Variants in EPHA3 observed in about 807,000 individuals in gnomAD.
EPHA3 encodes the protein ephrin type-A receptor 3.
A neutral mutation model predicts 107.1 loss-of-function variants in EPHA3; 42 were observed. The observed-to-expected ratio is 0.39, with a 90% CI of 0.31 to 0.51. The LOEUF (loss-of-function observed/expected upper bound fraction) is 0.51, where lower values mean the gene tolerates loss of function less well. Ranked by LOEUF, EPHA3 falls within the 20% of genes least tolerant of loss-of-function variation. EPHA3 has a pLI of 0.78. For missense variants in EPHA3, 1,183 were observed against 1,211.2 expected (o/e 0.98, Z 0.35); for synonymous variants, 461 against 424.8 (o/e 1.09, Z -1.05).
intron 5 of EPHA3, among the ~76,000 whole-genome samples, chr3:89,380,243 G>A (rs1241289314): frequency 6.6e-6 from 1 of 152,156 alleles, no homozygotes; most frequent in East Asian, 1.9e-4. Flanking sequence ...CATGTGATAT[G>A]TATAAGGACA....
chr3:89,359,319 A>G (rs762901635), intron 5 of EPHA3, among the ~76,000 whole-genome samples: 1 of 150,984 alleles, frequency 6.6e-6, no homozygotes, highest in Non-Finnish European at 1.5e-5. Context: ...ATACATGTTT[A>G]CAAACCTTGC....
At chr3:89,156,584 T>C (rs936653914) in intron 2 of EPHA3, among the ~76,000 whole-genome samples, 1 of 152,054 alleles carries the variant, frequency 6.6e-6, no homozygotes, top group Non-Finnish European at 1.5e-5. Flanking sequence ...TTTATTCCAC[T>C]GTTAGGTAAA....
In EPHA3 at chr3:89,211,715, TCTTCTTCTTTTTCTTCTTCTTCTTCTC is replaced by T. The variant is rs1329162891; in HGVS notation, c.814+1205_814+1231del. ...CTCCCCCTCCCCCTCTTCCTCTTCC[TCTTCTTCTTTTTCTTCTTCTTCTTCTC>T]CTTCTTCTTCTTCTTCTTCTTCTTC... is the stretch of plus-strand genomic sequence containing the variant. On this transcript the variant is annotated intron_variant, in intron 3 of 16. Transcript: ENST00000336596. Among the ~76,000 whole-genome samples the T allele has an allele frequency of 2.0e-4, 30 of 146,586 alleles. 2 individuals carry two copies. Among genetic ancestry groups the T allele is most frequent in the African/African-American group, 3.6e-4 (14 of 39,304 alleles).
At chr3:89,108,382 G>T (rs1213324058) in intron 1 of EPHA3, among the ~76,000 whole-genome samples, 3 of 152,164 alleles carry the variant, frequency 2.0e-5, no homozygotes, top group Admixed American at 1.3e-4. Context: ...TGTGTATCCC[G>T]CCAGGCAATG....
At chr3:89,432,647 T>A (rs1352021506) in intron 13 of EPHA3, among the ~76,000 whole-genome samples, 10 of 152,176 alleles carry the variant, frequency 6.6e-5, no homozygotes, top group African/African-American at 2.2e-4. Flanking sequence ...CAAGTAAATG[T>A]CTAATAATCA....
chr3:89,228,947 T>C (rs1704563928), intron 3 of EPHA3, among the ~76,000 whole-genome samples: 1 of 151,986 alleles, frequency 6.6e-6, no homozygotes, highest in African/African-American at 2.4e-5. Context: ...AACTTTCATA[T>C]GTAGTGAAGT....
At chr3:89,344,291 A>G (rs1312787095) in intron 5 of EPHA3, among the ~76,000 whole-genome samples, 2 of 152,200 alleles carry the variant, frequency 1.3e-5, no homozygotes, top group African/African-American at 4.8e-5. Context: ...CCAAGACATT[A>G]AAAAATAAAT....
At chr3:89,454,010 A>T (rs1408775827) in intron 15 of EPHA3, among the ~76,000 whole-genome samples, 1 of 151,992 alleles carries the variant, frequency 6.6e-6, no homozygotes, top group Non-Finnish European at 1.5e-5. Context: ...TGCCACAAAC[A>T]GATGTTCTAT....
At chr3:89,209,819 A>G (rs372915459) in intron 2 of EPHA3, 41 bp from the exon 3 acceptor site, 2 of 1,515,270 alleles carry the variant, frequency 1.3e-6, no homozygotes, top group Non-Finnish European at 1.8e-6. Flanking sequence ...CGTTATTATC[A>G]TTAATTCTGC....
At chr3:89,142,926 T>C in intron 2 of EPHA3, among the ~76,000 whole-genome samples, 1 of 151,396 alleles carries the variant, frequency 6.6e-6, no homozygotes, top group South Asian at 2.1e-4. Flanking sequence ...TTGAAATGAC[T>C]GAACAGTTAA....
At chr3:89,214,090 G>A (rs1024415175) in intron 3 of EPHA3, among the ~76,000 whole-genome samples, 3 of 151,944 alleles carry the variant, frequency 2.0e-5, no homozygotes, top group African/African-American at 7.2e-5. Context: ...TTATGTACAT[G>A]AGCCTAATGC....
chr3:89,152,499 A>G (rs574950311), intron 2 of EPHA3, among the ~76,000 whole-genome samples: 1 of 152,196 alleles, frequency 6.6e-6, no homozygotes, highest in East Asian at 1.9e-4. Flanking sequence ...AGGACCTAAA[A>G]CGTTCATACT....
intron 7 of EPHA3, among the ~76,000 whole-genome samples, chr3:89,402,181 T>C (rs931335677): frequency 6.6e-6 from 1 of 152,230 alleles, no homozygotes; most frequent in Non-Finnish European, 1.5e-5. Context: ...GATATTGCTG[T>C]GGTAGCATTT....
In EPHA3 at chr3:89,413,154, T is replaced by C. The variant is rs770571116; in HGVS notation, c.1776T>C (p.Gly592=). The stretch of plus-strand genomic sequence containing the variant: ...TTCCTCAAACAGTAAAACTTCCAGG[T>C]CTCAGGACTTATGTTGACCCACATA... ...HFGNGHLKLP[G]LRTYVDPHTY... is the part of the protein sequence containing the mutation. Residue 592 remains glycine, a synonymous_variant, in exon 10 of 17, where the codon GGT becomes GGC. Coordinates refer to ENST00000336596, the MANE Select transcript of EPHA3 (RefSeq NM_005233.6). 9.3e-6 allele frequency: 15 copies of C among 1,611,182 alleles called. No individual in the cohort carries two copies. The highest frequency in any genetic ancestry group is 1.3e-5 in the Non-Finnish European group (15 of 1,178,144).
At chr3:89,267,901 T>TA (rs1705575769) in intron 3 of EPHA3, among the ~76,000 whole-genome samples, 2 of 152,166 alleles carry the variant, frequency 1.3e-5, no homozygotes, top group African/African-American at 4.8e-5. Context: ...GGATAACATT[T>TA]TATTTTAAAA....
chr3:89,117,747 A>C (rs551384833), intron 1 of EPHA3, among the ~76,000 whole-genome samples: 5 of 152,216 alleles, frequency 3.3e-5, no homozygotes, highest in African/African-American at 1.2e-4. Context: ...TGTGAAAAAA[A>C]CAAAAACAAC....
intron 1 of EPHA3, among the ~76,000 whole-genome samples, chr3:89,125,660 T>C (rs1704081099): frequency 6.6e-6 from 1 of 151,634 alleles, no homozygotes; most frequent in South Asian, 2.1e-4. Flanking sequence ...TGGGAAAAAA[T>C]TCTTTAATCA....
Position 89,477,606 on chromosome 3 carries a change from C to CTG in EPHA3, c.2847-1775_2847-1774dup, listed in dbSNP as rs149529796. On this transcript the variant is annotated intron_variant, in intron 16 of 16. Transcript: ENST00000336596. ...TATGCTCAGTATAAAGGAATCCCCT[C>CTG]TGTGTGTGTGTGTGTGTCTGTGTCT... is the stretch of plus-strand genomic sequence containing the variant. 7.0e-4 allele frequency among the ~76,000 whole-genome samples: 106 copies of CTG among 150,914 alleles called. 1 individual carries two copies. The highest frequency in any genetic ancestry group is 3.4e-3 in the Middle Eastern group (1 of 294).
At chr3:89,329,412 C>T (rs1707241900) in intron 3 of EPHA3, among the ~76,000 whole-genome samples, 1 of 152,042 alleles carries the variant, frequency 6.6e-6, no homozygotes, top group Non-Finnish European at 1.5e-5. Flanking sequence ...CCTTATGGTC[C>T]ACATTCCTAA....
Sources: allele counts gnomAD v4.1 joint callset (sites outside exome capture counted in the v4.1 genomes callset), GRCh38; gene constraint gnomAD v4.1.1; transcripts MANE v1.5; gene names NCBI Gene and HGNC (gene_info 2026-07-23, HGNC 2026-07-21).